The following MED14 variants were observed in gnomAD, a reference collection of about 807,000 sequenced individuals.
The protein encoded by MED14 is mediator of RNA polymerase II transcription subunit 14.
Under a neutral mutation model 109.0 loss-of-function variants are expected in MED14, and 8 were observed. The observed-to-expected ratio is 0.07, with a 90% confidence interval of 0.04 to 0.13. The LOEUF is 0.13. Among genes scored for constraint, MED14 ranks in the 10% least tolerant of loss-of-function variants. MED14 has a pLI of 1.00. For missense variants in MED14, 711 were observed against 1,142.4 expected (o/e 0.62, Z 5.44); for synonymous variants, 399 against 408.7 (o/e 0.98, Z 0.29).
At chrX:40,715,551 C>T (rs190928997) in intron 3 of MED14, among the ~76,000 whole-genome samples, 1 of 110,014 alleles carries the variant, frequency 9.1e-6, no homozygotes, top group East Asian at 2.8e-4. Flanking sequence ...CTTTGGGAGG[C>T]CAAGGTGGGC....
At chrX:40,716,138 A>G (rs1931514939) in intron 3 of MED14, among the ~76,000 whole-genome samples, 2 of 111,898 alleles carry the variant, frequency 1.8e-5, no homozygotes, top group Admixed American at 1.9e-4. Context: ...TAAAAACCAC[A>G]ATGAGATATC....
At chrX:40,719,864 T>C (rs1360291792) in intron 3 of MED14, among the ~76,000 whole-genome samples, 2 of 112,303 alleles carry the variant, frequency 1.8e-5, no homozygotes, top group African/African-American at 6.5e-5. Flanking sequence ...ATCTTTTTCT[T>C]AGGCAAAACA....
intron 18 of MED14, 54 bp downstream of exon 18, chrX:40,682,549 G>A: frequency 3.0e-6 from 3 of 997,608 alleles, no homozygotes; most frequent in Non-Finnish European, 4.0e-6. Context: ...TAAAAAAAGG[G>A]TGAGGGCTTT....
At chrX:40,735,602 G>C (rs1415495398), upstream of MED14, 1 of 513,041 alleles carries the variant, frequency 1.9e-6, no homozygotes, top group Admixed American at 2.7e-5. Flanking sequence ...GCCGACCCCA[G>C]GGACAGGAGC....
Position 40,694,972 on chromosome X carries a change from G to A in MED14, c.1650+2052C>T, listed in dbSNP as rs562356109. 9.0e-4 allele frequency among the ~76,000 whole-genome samples: 101 copies of A among 112,248 alleles called. 1 individual carries two copies. Among genetic ancestry groups the A allele is most frequent in the Non-Finnish European group, 1.5e-3 (80 of 53,275 alleles). On this transcript the variant is annotated intron_variant, in intron 13 of 30. Coordinates refer to ENST00000324817, the MANE Select transcript of MED14 (RefSeq NM_004229.4). The stretch of plus-strand genomic sequence containing the variant: ...AAACAACCCCAATGTCCTTCAATGA[G>A]TGACTCATTAAACACAAACTGTGGT...
At chrX:40,711,987 T>C (rs1931353476) in intron 7 of MED14, among the ~76,000 whole-genome samples, 199 bp downstream of exon 7, 1 of 111,110 alleles carries the variant, frequency 9.0e-6, no homozygotes, top group Non-Finnish European at 1.9e-5. Context: ...AAGTCAACAG[T>C]AAAATTTTAA....
At chrX:40,663,211 T>C (rs773040945) in intron 25 of MED14, 51 bp from the exon 26 acceptor site, 4 of 936,503 alleles carry the variant, frequency 4.3e-6, no homozygotes, top group Non-Finnish European at 6.0e-6. Flanking sequence ...TACTATCTCA[T>C]TGCTTCCTGT....
In MED14 at chrX:40,714,622, T is replaced by C; in HGVS notation, c.437A>G (p.His146Arg). 1.7e-6 allele frequency: 2 copies of C among 1,211,578 alleles called. No individual in the cohort carries two copies. The highest frequency in any genetic ancestry group is 2.2e-6 in the Non-Finnish European group (2 of 895,305). Reference protein sequence around the residue: ...LASLARDALVHARLPSFAIPY... With the variant: ...LASLARDALVRARLPSFAIPY... ...GATGGCAAAACTAGGCAGGCGTGCA[T>C]GGACCAGAGCATCTCTAGCTAACGA... Residue 146 changes from histidine (H) to arginine (R), a missense_variant, in exon 4 of 31, where the codon CAT (histidine) becomes CGT (arginine). His to Arg is a conservative substitution (Grantham distance 29). Transcript: ENST00000324817.
intron 1 of MED14, among the ~76,000 whole-genome samples, chrX:40,732,340 G>A (rs1932104035): frequency 8.9e-6 from 1 of 111,842 alleles, no homozygotes. Flanking sequence ...TCAGCATGGT[G>A]AAATCCCATT....
intron 18 of MED14, among the ~76,000 whole-genome samples, chrX:40,682,215 T>C (rs1602461389): frequency 8.9e-6 from 1 of 111,758 alleles, no homozygotes. Flanking sequence ...TATGGGACTT[T>C]ATGCAAAGTT....
At chrX:40,654,856 TTA>T (rs899432455) in intron 29 of MED14, 77 bp downstream of exon 29, 2 of 1,104,269 alleles carry the variant, frequency 1.8e-6, no homozygotes, top group African/African-American at 3.6e-5. Flanking sequence ...ATTTATGCAG[TTA>T]TCCAAAAGTT....
intron 24 of MED14, among the ~76,000 whole-genome samples, chrX:40,664,975 C>T (rs745661326): frequency 7.2e-5 from 8 of 111,377 alleles, no homozygotes; most frequent in Non-Finnish European, 1.3e-4. Context: ...ACTTCCTGAA[C>T]AATTTGATAT....
intron 23 of MED14, among the ~76,000 whole-genome samples, chrX:40,667,354 AG>A (rs1052007413): frequency 1.8e-5 from 2 of 112,031 alleles, no homozygotes; most frequent in African/African-American, 6.5e-5. Context: ...TCTCTAAGGA[AG>A]GGGGCATGTG....
At position 40,713,887 on chromosome X, in the gene MED14, G is replaced by A; in HGVS notation, c.543C>T (p.Asp181=). ...CTTGTTTTTCAATTTTGGTAATTGG[G>A]TCTGGAGGAATAATTTTGTCCTGCA... The part of the protein sequence containing the change: ...TCIRDKIIPP[D]PITKIEKQAT... Residue 181 remains aspartate, a synonymous_variant, in exon 5 of 31, where the codon GAC becomes GAT. Coordinates refer to ENST00000324817, the MANE Select transcript of MED14 (RefSeq NM_004229.4). 1 of 1,206,954 alleles carries A rather than the reference G, an allele frequency of 8.3e-7. No homozygotes were observed.
intron 24 of MED14, among the ~76,000 whole-genome samples, chrX:40,665,205 A>G (rs768494135): frequency 1.2e-3 from 139 of 111,850 alleles, no homozygotes; most frequent in African/African-American, 4.4e-3. Context: ...CAAAGCATAT[A>G]TAACTGGGAG....
rs770451675 is a variant in MED14, at chrX:40,651,868, T to G, written c.4303A>C (p.Ile1435Leu). 1.7e-6 allele frequency: 2 copies of G among 1,198,210 alleles called. No homozygotes were observed. Among genetic ancestry groups the G allele is most frequent in the South Asian group, 1.8e-5 (1 of 54,122 alleles). ...ATTAAATCACGAACAGCTGCAAATA[T>G]TGTGCATTCACCTGCAACAGAGAAA... The part of the protein sequence containing the change: ...MNPPRQGECT[I>L]FAAVRDLMAN... Residue 1435 changes from isoleucine (I) to leucine (L), a missense_variant, in exon 31 of 31, where the codon ATA becomes CTA. By Grantham distance (5) the Ile-to-Leu change is conservative. Coordinates refer to ENST00000324817, the MANE Select transcript of MED14 (RefSeq NM_004229.4).
At chrX:40,666,389 G>A (rs1929482141) in intron 24 of MED14, among the ~76,000 whole-genome samples, 1 of 106,571 alleles carries the variant, frequency 9.4e-6, no homozygotes, top group African/African-American at 3.4e-5. Flanking sequence ...GGGGGGCAAG[G>A]GCAGGTATTT....
rs752621499 is a variant in MED14 at position 40,679,953 on chromosome X, G to T, written c.2791C>A (p.Arg931=). 8.3e-6 allele frequency: 10 copies of T among 1,209,267 alleles called. No individual in the cohort carries two copies. The Middle Eastern group carries it at 2.1e-3, about 250-fold the overall frequency. Reference sequence around the variant, plus strand: ...CCATCCCGTATTGCCACAACACCTCGACTCCGGCAGTATATATCAATGCAA... The same window carrying T: ...CCATCCCGTATTGCCACAACACCTCTACTCCGGCAGTATATATCAATGCAA... The part of the protein sequence containing the change: ...MYCIDIYCRS[R]GVVAIRDGAY... Residue 931 remains arginine, a synonymous_variant, in exon 21 of 31, where the codon CGA becomes AGA. Transcript: ENST00000324817.
chrX:40,735,555 C>A (rs769747884), upstream of MED14: 2 of 612,990 alleles, frequency 3.3e-6, no homozygotes, highest in Non-Finnish European at 5.3e-6. Flanking sequence ...AGCCGTGCGC[C>A]GACCGCGGAA....
Sources: allele counts gnomAD v4.1 joint callset (sites outside exome capture counted in the v4.1 genomes callset), GRCh38; gene constraint gnomAD v4.1.1; transcripts MANE v1.5; gene names NCBI Gene and HGNC (gene_info 2026-07-23, HGNC 2026-07-21).